GALNT13: variants seen among roughly 807,000 people sequenced by gnomAD.
GALNT13 encodes the protein UDP-GalNAc:polypeptide N-acetylgalactosaminyltransferase 13.
Under a neutral mutation model 64.2 loss-of-function variants are expected in GALNT13, and 28 were observed. That is an observed-to-expected ratio of 0.44 (90% confidence interval 0.32 to 0.60). The LOEUF (loss-of-function observed/expected upper bound fraction) is 0.60. Among genes scored for constraint, GALNT13 ranks in the 20% least tolerant of loss-of-function variants. GALNT13 has a pLI of 0.05. For synonymous variants in GALNT13, 214 were observed against 224.6 expected (o/e 0.95, Z 0.42); for missense variants, 577 against 669.8 (o/e 0.86, Z 1.53).
intron 11 of GALNT13, among the ~76,000 whole-genome samples, chr2:154,425,201 G>A (rs539878390): frequency 9.2e-5 from 14 of 152,196 alleles, no homozygotes; most frequent in African/African-American, 2.6e-4. Context: ...AGAGTTTTAG[G>A]AAGTGTCTAA....
chr2:153,962,775 T>C (rs893891643), intron 3 of GALNT13, among the ~76,000 whole-genome samples: 1 of 152,164 alleles, frequency 6.6e-6, no homozygotes, highest in Admixed American at 6.5e-5. Context: ...CTGCACAATG[T>C]CCCTCATACC....
the GALNT13 span, among the ~76,000 whole-genome samples, chr2:153,325,097 A>C: frequency 6.9e-6 from 1 of 144,232 alleles, no homozygotes; most frequent in Non-Finnish European, 1.5e-5. Flanking sequence ...TTTGGCTGTG[A>C]ATCCCTCTGG....
intron 11 of GALNT13, among the ~76,000 whole-genome samples, chr2:154,423,278 A>G (rs1700334188): frequency 1.3e-5 from 2 of 152,114 alleles, no homozygotes; most frequent in Admixed American, 1.3e-4. Flanking sequence ...TCCGTGGTGT[A>G]TATGTGCCAC....
the GALNT13 span, among the ~76,000 whole-genome samples, chr2:153,679,356 G>C: frequency 1.3e-5 from 2 of 151,940 alleles, no homozygotes; most frequent in African/African-American, 4.8e-5. Context: ...AAAATTTATA[G>C]TAGTAGTTTA....
At chr2:154,151,387 T>C (rs1471180350) in intron 4 of GALNT13, among the ~76,000 whole-genome samples, 1 of 152,188 alleles carries the variant, frequency 6.6e-6, no homozygotes, top group Non-Finnish European at 1.5e-5. Flanking sequence ...GGTGCAGTGC[T>C]GAAAAAAATG....
chr2:153,446,736 A>G, the GALNT13 span: 1 of 152,140 alleles, frequency 6.6e-6, no homozygotes, highest in African/African-American at 2.4e-5. Context: ...CAAACTCTGG[A>G]TTCGAACCCA....
At chr2:153,395,569 CT>C in the GALNT13 span, among the ~76,000 whole-genome samples, 1 of 152,050 alleles carries the variant, frequency 6.6e-6, no homozygotes, top group Admixed American at 6.6e-5. Context: ...CTTTTCTCTT[CT>C]TGGCAGTACC....
the GALNT13 span, among the ~76,000 whole-genome samples, chr2:153,788,467 G>A: frequency 4.6e-5 from 7 of 151,696 alleles, no homozygotes; most frequent in Non-Finnish European, 1.0e-4. Context: ...AATCTTGAAA[G>A]TAAAGCCCAT....
At chr2:154,002,684 A>G (rs1438202443) in intron 3 of GALNT13, among the ~76,000 whole-genome samples, 2 of 152,026 alleles carry the variant, frequency 1.3e-5, no homozygotes, top group Non-Finnish European at 2.9e-5. Context: ...CTTTTGGTGA[A>G]GTCATGTTTT....
At chr2:153,074,015 G>A in the GALNT13 span, among the ~76,000 whole-genome samples, 2 of 152,084 alleles carry the variant, frequency 1.3e-5, no homozygotes, top group Non-Finnish European at 2.9e-5. Flanking sequence ...CATATGTAGA[G>A]GCTTGATCAG....
chr2:153,758,337 G>C, the GALNT13 span, among the ~76,000 whole-genome samples: 1 of 149,658 alleles, frequency 6.7e-6, no homozygotes, highest in African/African-American at 2.5e-5. Context: ...CTGTTCCATT[G>C]GTTGATGGAT....
At chr2:153,891,057 T>A (rs1280357728) in intron 1 of GALNT13, among the ~76,000 whole-genome samples, 1 of 152,084 alleles carries the variant, frequency 6.6e-6, no homozygotes, top group Admixed American at 6.6e-5. Context: ...TGGATGTATG[T>A]CTACATCTCT....
intron 4 of GALNT13, among the ~76,000 whole-genome samples, chr2:154,162,944 C>A (rs1684817282): frequency 6.6e-6 from 1 of 150,976 alleles, no homozygotes; most frequent in Non-Finnish European, 1.5e-5. Context: ...CTGTCTCAAC[C>A]CACATTCTTT....
chr2:153,855,409 C>A, the GALNT13 span, among the ~76,000 whole-genome samples: 1 of 152,108 alleles, frequency 6.6e-6, no homozygotes, highest in East Asian at 1.9e-4. Context: ...AACAAAACAA[C>A]AACAAAAATG....
At chr2:153,446,665 C>A in the GALNT13 span, 1 of 152,144 alleles carries the variant, frequency 6.6e-6, no homozygotes, top group South Asian at 2.1e-4. Context: ...CAGTAATTTA[C>A]AGGGACTACA....
At chr2:153,660,926 C>T in the GALNT13 span, among the ~76,000 whole-genome samples, 5 of 152,124 alleles carry the variant, frequency 3.3e-5, no homozygotes, top group African/African-American at 1.2e-4. Flanking sequence ...ATTGGAGGCA[C>T]TGCCCGTGAA....
the GALNT13 span, among the ~76,000 whole-genome samples, chr2:153,382,410 A>G: frequency 6.6e-5 from 10 of 151,958 alleles, no homozygotes; most frequent in Non-Finnish European, 1.3e-4. Flanking sequence ...TCCCACTTAT[A>G]AGTGACATGT....
the GALNT13 span, among the ~76,000 whole-genome samples, chr2:153,801,569 C>A: frequency 6.6e-6 from 1 of 152,016 alleles, no homozygotes; most frequent in Non-Finnish European, 1.5e-5. Context: ...CTTGTATGGC[C>A]ACAATTCATG....
chr2:153,807,927 G>T, the GALNT13 span, among the ~76,000 whole-genome samples: 1 of 152,118 alleles, frequency 6.6e-6, no homozygotes, highest in East Asian at 1.9e-4. Flanking sequence ...TTTCTTAGTG[G>T]TAATTTTCAT....
Sources: allele counts gnomAD v4.1 joint callset (sites outside exome capture counted in the v4.1 genomes callset), GRCh38; gene constraint gnomAD v4.1.1; transcripts MANE v1.5; gene names NCBI Gene and HGNC (gene_info 2026-07-23, HGNC 2026-07-21).